The following PI4K2A variants were observed in gnomAD, a reference collection of about 807,000 sequenced individuals.
The protein encoded by PI4K2A is phosphatidylinositol 4-kinase type 2-alpha.
PI4K2A carries 20 observed loss-of-function variants against 55.0 expected under a neutral mutation model. The observed-to-expected ratio is 0.36, with a 90% CI of 0.26 to 0.53. The LOEUF (loss-of-function observed/expected upper bound fraction) is 0.53, where lower values mean the gene tolerates loss of function less well. Ranked by LOEUF, PI4K2A falls within the 20% of genes least tolerant of loss-of-function variation. The pLI, the probability that PI4K2A is intolerant of heterozygous loss-of-function variation, is 0.91. For missense variants in PI4K2A, 463 were observed against 637.1 expected, an observed-to-expected ratio of 0.73 and a Z score of 2.94; for synonymous variants, 235 against 258.5, an observed-to-expected ratio of 0.91 and a Z score of 0.87.
exon 9 of PI4K2A, chr10:97,676,150 G>A (rs1011759472): frequency 2.0e-5 from 3 of 152,226 alleles, no homozygotes; most frequent in Admixed American, 6.5e-5. Flanking sequence ...TTGCTGAGAC[G>A]TGGCTCCTGG....
intron 4 of PI4K2A, among the ~76,000 whole-genome samples, chr10:97,660,032 C>T (rs1428953369): frequency 9.3e-5 from 13 of 139,716 alleles, no homozygotes; most frequent in Middle Eastern, 3.7e-3. Context: ...GACGGAGTCT[C>T]GCTCTGTCAC....
exon 9 of PI4K2A, chr10:97,673,671 C>T (rs2041647258): frequency 6.2e-7 from 1 of 1,613,576 alleles, no homozygotes; most frequent in Non-Finnish European, 8.5e-7. Context: ...GGCCCGTTCC[C>T]ACCAGCGGTC....
Position 97,642,441 on chromosome 10 carries a change from G to A in PI4K2A, c.435+1264G>A, listed in dbSNP as rs543136326. 9.3e-4 allele frequency among the ~76,000 whole-genome samples: 136 copies of A among 145,858 alleles called. 2 individuals carry two copies. The South Asian group carries it at 0.017, about 18-fold the overall frequency. On this transcript the variant is annotated intron_variant, in intron 1 of 8. Transcript: ENST00000370631. Reference sequence around the variant, plus strand: ...TTTTGAGACAGAGTCTTGCTCTGTCGCCAGGCTGGAGTGCAGTGGCGCGAT... The same window carrying A: ...TTTTGAGACAGAGTCTTGCTCTGTCACCAGGCTGGAGTGCAGTGGCGCGAT...
At chr10:97,675,722 T>C (rs1265805968) in exon 9 of PI4K2A, 1 of 152,814 alleles carries the variant, frequency 6.5e-6, no homozygotes, top group Non-Finnish European at 1.5e-5. Flanking sequence ...TTGGGTCCAG[T>C]GTAGGAGAGA....
chr10:97,656,852 A>G lies in PI4K2A; in HGVS notation c.800A>G (p.Tyr267Cys). Residue 267 changes from tyrosine (Y) to cysteine (C), a missense_variant, in exon 4 of 9, where the codon TAC (tyrosine) becomes TGC (cysteine). Physicochemically the swap from Tyr to Cys is radical, Grantham distance 194. Coordinates refer to ENST00000370631, the Ensembl canonical transcript of PI4K2A. This position sits in a 1 kb window ranked among gnomAD's most constrained non-coding sequence, Gnocchi z 4.5. The stretch of plus-strand genomic sequence containing the variant: ...TCATTCCAGCTCTTTGTTGAAGGCT[A>G]CAAAGATGCAGACTATTGGCTGCGG... The G allele has an allele frequency of 1.2e-6, 2 of 1,614,174 alleles. No individual in the cohort carries two copies. Among genetic ancestry groups the G allele is most frequent in the Non-Finnish European group, 1.7e-6 (2 of 1,180,006 alleles).
At chr10:97,650,304 G>A (rs1465788795) in intron 1 of PI4K2A, among the ~76,000 whole-genome samples, 3 of 83,008 alleles carry the variant, frequency 3.6e-5, no homozygotes, top group African/African-American at 2.4e-4. Context: ...TGTGAGACAG[G>A]GTCTCGTTTG....
At chr10:97,674,801 G>T (rs1263597341) in exon 9 of PI4K2A, 1 of 152,162 alleles carries the variant, frequency 6.6e-6, no homozygotes, top group African/African-American at 2.4e-5. Context: ...CTGCTGCTTG[G>T]TGGAAGTAAC....
chr10:97,649,460 T>C (rs1211037023), intron 1 of PI4K2A, among the ~76,000 whole-genome samples: 1 of 152,110 alleles, frequency 6.6e-6, no homozygotes. Context: ...CCTGGTTTCT[T>C]GCCTATCAGA....
intron 4 of PI4K2A, among the ~76,000 whole-genome samples, chr10:97,659,408 T>G (rs1203022193): frequency 2.0e-5 from 3 of 152,132 alleles, no homozygotes; most frequent in Non-Finnish European, 4.4e-5. Context: ...AGTTATTTTT[T>G]TGTGTGGAAA....
chr10:97,646,947 T>G (rs2041508080), intron 1 of PI4K2A, among the ~76,000 whole-genome samples: 1 of 151,860 alleles, frequency 6.6e-6, no homozygotes, highest in Admixed American at 6.6e-5. Context: ...GCTAATTTTT[T>G]CTATTTTTTT....
chr10:97,642,408 T>C (rs1445159029), intron 1 of PI4K2A, among the ~76,000 whole-genome samples: 13 of 147,980 alleles, frequency 8.8e-5, no homozygotes, highest in South Asian at 2.1e-4. Flanking sequence ...TTTTTTTTTT[T>C]CTTTTTTTTT....
At chr10:97,662,933 A>C in exon 5 of PI4K2A, 1 of 1,608,150 alleles carries the variant, frequency 6.2e-7, no homozygotes, top group Middle Eastern at 1.7e-4. Flanking sequence ...CTGGCTGATT[A>C]AATATGACTG....
chr10:97,641,557 C>T (rs966581232), intron 1 of PI4K2A, among the ~76,000 whole-genome samples: 1 of 152,140 alleles, frequency 6.6e-6, no homozygotes, highest in African/African-American at 2.4e-5. Context: ...CCTGTTCTCT[C>T]TTTTTGGACC....
At chr10:97,676,410 A>G (rs1413498126) in exon 9 of PI4K2A, 1 of 152,236 alleles carries the variant, frequency 6.6e-6, no homozygotes, top group Non-Finnish European at 1.5e-5. Flanking sequence ...CTAAGAGCCA[A>G]AAATAAAAAA....
intron 6 of PI4K2A, among the ~76,000 whole-genome samples, chr10:97,665,475 T>C (rs1380472376): frequency 1.3e-5 from 2 of 152,182 alleles, no homozygotes; most frequent in African/African-American, 2.4e-5. Flanking sequence ...GGTTTCACCA[T>C]GTTGGCCAGG....
chr10:97,662,948 A>T, exon 5 of PI4K2A: 1 of 1,601,682 alleles, frequency 6.2e-7, no homozygotes, highest in Non-Finnish European at 8.6e-7. Context: ...TGACTGTCCA[A>T]TGGATAGTTC....
intron 4 of PI4K2A, among the ~76,000 whole-genome samples, chr10:97,659,342 A>ATT (rs141966041): frequency 6.6e-6 from 1 of 151,834 alleles, no homozygotes; most frequent in Non-Finnish European, 1.5e-5. Flanking sequence ...CTTGCAACTG[A>ATT]TTTTTTTGTG....
rs574525619 is a variant in PI4K2A, at chr10:97,660,234, C to G, written c.923-2673C>G. On this transcript the variant is annotated intron_variant, in intron 4 of 8. Transcript: ENST00000370631. The stretch of plus-strand genomic sequence containing the variant: ...GCCAGGATGGTCTCGATCTCCTGAC[C>G]TCGTGATCTGCCCGCCTTGGCCTCC... 3.2e-3 allele frequency among the ~76,000 whole-genome samples: 479 copies of G among 149,920 alleles called. 5 individuals carry two copies. Among genetic ancestry groups the G allele is most frequent in the African/African-American group, 0.011 (456 of 40,630 alleles).
intron 1 of PI4K2A, among the ~76,000 whole-genome samples, chr10:97,642,802 TC>T (rs2041477604): frequency 7.2e-6 from 1 of 139,192 alleles, no homozygotes; most frequent in Admixed American, 7.5e-5. Flanking sequence ...GCTTGCTTTC[TC>T]TTTCTTCCTT....
Sources: allele counts gnomAD v4.1 joint callset (sites outside exome capture counted in the v4.1 genomes callset), GRCh38; gene constraint gnomAD v4.1.1; non-coding constraint Gnocchi (gnomAD v3.1); transcripts MANE v1.5; gene names NCBI Gene and HGNC (gene_info 2026-07-23, HGNC 2026-07-21).